SIN3A: variants seen among roughly 807,000 people sequenced by gnomAD.
SIN3A encodes the protein SIN3 transcription regulator family member A.
SIN3A carries 14 observed loss-of-function variants against 146.1 expected under a neutral mutation model. That is an observed-to-expected ratio of 0.10 (90% CI 0.06 to 0.15). The LOEUF is 0.15. Among genes scored for constraint, SIN3A ranks in the 10% least tolerant of loss-of-function variants. The pLI, the probability that SIN3A is intolerant of heterozygous loss-of-function variation, is 1.00. For missense variants in SIN3A, 1,028 were observed against 1,576.0 expected, an observed-to-expected ratio of 0.65 and a Z score of 5.89; for synonymous variants, 572 against 572.0, an observed-to-expected ratio of 1.00 and a Z score of 0.00.
At chr15:75,391,502 TAAA>T (rs35832447) in intron 15 of SIN3A, among the ~76,000 whole-genome samples, 1 of 129,602 alleles carries the variant, frequency 7.7e-6, no homozygotes, top group Non-Finnish European at 1.7e-5. Context: ...CAGCAACACA[TAAA>T]AAAAAAAAAA....
At chr15:75,410,626 G>A (rs1195153633) in intron 6 of SIN3A, among the ~76,000 whole-genome samples, 1 of 151,900 alleles carries the variant, frequency 6.6e-6, no homozygotes, top group East Asian at 1.9e-4. Context: ...TTAATGCCCA[G>A]GGGACCACTA....
At chr15:75,435,560 T>C (rs913943107) in intron 1 of SIN3A, among the ~76,000 whole-genome samples, 1 of 151,936 alleles carries the variant, frequency 6.6e-6, no homozygotes, top group Non-Finnish European at 1.5e-5. Flanking sequence ...TAGCTGGGCG[T>C]GGTGGCGCAT....
intron 1 of SIN3A, among the ~76,000 whole-genome samples, chr15:75,436,675 A>T (rs568395067): frequency 6.6e-6 from 1 of 152,142 alleles, no homozygotes; most frequent in African/African-American, 2.4e-5. Context: ...CATTATATTT[A>T]CTAAAATTCT....
intron 2 of SIN3A, 60 bp from the exon 3 acceptor site, chr15:75,422,883 G>C (rs1420920546): frequency 8.6e-6 from 13 of 1,517,340 alleles, no homozygotes; most frequent in African/African-American, 1.4e-5. Flanking sequence ...CCCCAAATGA[G>C]TCTAAATAAC....
intron 13 of SIN3A, 137 bp downstream of exon 13, chr15:75,396,121 T>C: frequency 1.4e-6 from 1 of 693,222 alleles, no homozygotes. Flanking sequence ...ATTCTGCACC[T>C]GAATTCCAAC....
Position 75,409,853 on chromosome 15 carries a change from T to C in SIN3A, c.1300A>G (p.Thr434Ala). 1 of 1,612,650 alleles carries C rather than the reference T, an allele frequency of 6.2e-7. No homozygotes were observed. The highest frequency in any genetic ancestry group is 1.3e-5 in the African/African-American group (1 of 74,990). The change falls in exon 8 of 21, where the codon ACC becomes GCC. Residue 434 changes from threonine (T) to alanine (A), a missense_variant. By Grantham distance (58) the Thr-to-Ala change is moderately conservative. Around this residue, in one of 9 missense-constraint regions of SIN3A, gnomAD observed 62 missense variants for 63.5 expected, o/e 0.98. Coordinates refer to ENST00000394947, the MANE Select transcript of SIN3A (RefSeq NM_001145358.2). ...ATTCTCACCTTAACTGGAGGGGTGG[T>C]TCCTGTAGGATGTCTGCGGATCTGG... is the stretch of plus-strand genomic sequence containing the variant. ...GCQIRRHPTGTTPPVKKKPKL... is the reference protein window; with the variant it reads ...GCQIRRHPTGATPPVKKKPKL...
At chr15:75,382,094 T>A (rs2072983373) in intron 17 of SIN3A, among the ~76,000 whole-genome samples, 1 of 152,176 alleles carries the variant, frequency 6.6e-6, no homozygotes, top group Non-Finnish European at 1.5e-5. Flanking sequence ...GAGGTAACTA[T>A]CAGAATCACA....
intron 19 of SIN3A, among the ~76,000 whole-genome samples, chr15:75,380,215 C>T (rs2072938785): frequency 6.6e-6 from 1 of 152,210 alleles, no homozygotes; most frequent in Admixed American, 6.5e-5. Flanking sequence ...TCCTGTGTGA[C>T]TCCACTGGGA....
chr15:75,451,101 G>A (rs1017060544), intron 1 of SIN3A, among the ~76,000 whole-genome samples: 2 of 150,842 alleles, frequency 1.3e-5, no homozygotes, highest in Non-Finnish European at 3.0e-5. Flanking sequence ...GGGAGGGGGT[G>A]GTCGGCCGCA....
intron 1 of SIN3A, among the ~76,000 whole-genome samples, chr15:75,444,967 C>T (rs2074279197): frequency 6.7e-6 from 1 of 149,222 alleles, no homozygotes; most frequent in South Asian, 2.1e-4. Flanking sequence ...TGGTGGCTAA[C>T]ACCTGTAATC....
chr15:75,374,794 G>C (rs1003349269), intron 20 of SIN3A, among the ~76,000 whole-genome samples: 1 of 152,170 alleles, frequency 6.6e-6, no homozygotes, highest in Admixed American at 6.5e-5. Flanking sequence ...CAGGCCTCAA[G>C]CATCACCTCC....
intron 9 of SIN3A, among the ~76,000 whole-genome samples, chr15:75,402,726 C>A: frequency 6.6e-6 from 1 of 152,104 alleles, no homozygotes; most frequent in East Asian, 1.9e-4. Context: ...CCTCTGCCTC[C>A]TGGGTTCAAG....
chr15:75,447,507 AAGGTAATATGGT>A (rs1160880218), intron 1 of SIN3A: 1 of 152,160 alleles, frequency 6.6e-6, no homozygotes, highest in African/African-American at 2.4e-5. Flanking sequence ...GGATTTTAGA[AAGGTAATATGGT>A]ACATATACTG....
chr15:75,449,294 C>G (rs1488640972), intron 1 of SIN3A, among the ~76,000 whole-genome samples: 1 of 152,190 alleles, frequency 6.6e-6, no homozygotes, highest in Non-Finnish European at 1.5e-5. Context: ...CCCACCTACC[C>G]TTTTCACATA....
intron 1 of SIN3A, among the ~76,000 whole-genome samples, chr15:75,432,713 A>G (rs899773949): frequency 9.5e-5 from 14 of 147,428 alleles, no homozygotes; most frequent in African/African-American, 3.5e-4. Flanking sequence ...AAAATTATAG[A>G]AATGTTATGA....
At chr15:75,411,772 T>A (rs1567368891) in intron 5 of SIN3A, 29 bp from the exon 6 acceptor site, 13 of 1,546,508 alleles carry the variant, frequency 8.4e-6, no homozygotes, top group Non-Finnish European at 1.1e-5. Context: ...TTTATTCTCT[T>A]CAGATGCATA....
intron 1 of SIN3A, among the ~76,000 whole-genome samples, chr15:75,435,698 CA>C (rs59093415): frequency 0.022 from 1,285 of 57,284 alleles, 11 homozygotes; most frequent in African/African-American, 0.058. Context: ...AACTACGTCT[CA>C]AAAAAAAAAA....
rs190803065 is a variant in SIN3A, at chr15:75,408,447, T to C, written c.1318-1303A>G. Among the ~76,000 whole-genome samples, 44 of 152,338 alleles carry C rather than the reference T, an allele frequency of 2.9e-4. 1 individual carries two copies. The East Asian group carries it at 7.1e-3, about 25-fold the overall frequency. ...TCACTATTCATCAGCCACCTCTTAC[T>C]ATTAGAAATTCCCAAACTTTTGTCA... is the stretch of plus-strand genomic sequence containing the variant. On this transcript the variant is annotated intron_variant, in intron 8 of 20. Coordinates refer to ENST00000394947, the MANE Select transcript of SIN3A (RefSeq NM_001145358.2).
chr15:75,410,413 C>A (rs79147131), intron 6 of SIN3A, 127 bp from the exon 7 acceptor site: 4 of 850,226 alleles, frequency 4.7e-6, no homozygotes, highest in Non-Finnish European at 5.3e-6. Context: ...GTTCTTAGCA[C>A]CCGTTCTGAC....
Sources: gnomAD v4.1 joint callset for allele counts (sites outside exome capture counted in the v4.1 genomes callset) on GRCh38, gnomAD v4.1.1 for gene constraint, gnomAD v4.1.1 regional missense constraint, MANE v1.5 for transcripts, NCBI Gene and HGNC (gene_info 2026-07-23, HGNC 2026-07-21) for gene names.